ABHD6: variants seen among roughly 807,000 people sequenced by gnomAD.
ABHD6 encodes the protein monoacylglycerol lipase ABHD6.
In ABHD6, 33 loss-of-function variants were observed where a neutral mutation model predicts 38.8. The observed-to-expected ratio is 0.85, with a 90% CI of 0.64 to 1.14. The LOEUF (loss-of-function observed/expected upper bound fraction) is 1.14. Among genes scored for constraint, ABHD6 ranks in the 50% most tolerant of loss-of-function variants. The pLI, the probability that ABHD6 is intolerant of heterozygous loss-of-function variation, is 0.00. For missense variants in ABHD6, 380 were observed against 422.6 expected, an observed-to-expected ratio of 0.90 and a Z score of 0.88; for synonymous variants, 147 against 161.6, an observed-to-expected ratio of 0.91 and a Z score of 0.69.
chr3:58,268,661 G>A (rs1002177457), intron 4 of ABHD6, among the ~76,000 whole-genome samples: 2 of 152,178 alleles, frequency 1.3e-5, no homozygotes, highest in Admixed American at 1.3e-4. Flanking sequence ...TATGAGGACA[G>A]TCATTTTCAT....
At chr3:58,254,458 G>A (rs767293609) in intron 2 of ABHD6, among the ~76,000 whole-genome samples, 2 of 152,192 alleles carry the variant, frequency 1.3e-5, no homozygotes, top group Admixed American at 6.5e-5. Context: ...AATCGTCACC[G>A]TCTGGCACTT....
intron 2 of ABHD6, among the ~76,000 whole-genome samples, chr3:58,255,041 A>G (rs1361078180): frequency 6.6e-6 from 1 of 152,112 alleles, no homozygotes; most frequent in Non-Finnish European, 1.5e-5. Flanking sequence ...ATTCTATGCT[A>G]GAATGAACTG....
At chr3:58,255,272 T>C (rs866453246) in intron 2 of ABHD6, among the ~76,000 whole-genome samples, 2 of 152,232 alleles carry the variant, frequency 1.3e-5, no homozygotes, top group East Asian at 1.9e-4. Context: ...CTTTGTATTA[T>C]GTATTTATTT....
chr3:58,291,649 G>A (rs918649003), intron 9 of ABHD6, among the ~76,000 whole-genome samples: 4 of 152,184 alleles, frequency 2.6e-5, no homozygotes, highest in Admixed American at 6.5e-5. Context: ...TCAGGGGGTC[G>A]TTCAGTAGTT....
At position 58,257,755 on chromosome 3, in the gene ABHD6, T is replaced by A. The variant is rs1332706434; in HGVS notation, c.119+1050T>A. ...AAAGACCAGAACCATTGAGATGGCA[T>A]GTTTAGGACAGAATGCTTTTAGAGT... is the stretch of plus-strand genomic sequence containing the variant. On this transcript the variant is annotated intron_variant, in intron 3 of 9. Coordinates refer to ENST00000478253, the MANE Select transcript of ABHD6 (RefSeq NM_001320126.2). This position sits in a 1 kb window ranked among gnomAD's most constrained non-coding sequence, Gnocchi z 4.8. Among the ~76,000 whole-genome samples the A allele has an allele frequency of 1.3e-5, 2 of 152,206 alleles. No individual in the cohort carries two copies. The highest frequency in any genetic ancestry group is 1.3e-4 in the Admixed American group (2 of 15,282).
chr3:58,290,867 CG>C (rs1240759354), intron 9 of ABHD6, among the ~76,000 whole-genome samples: 3 of 146,984 alleles, frequency 2.0e-5, no homozygotes, highest in Admixed American at 6.7e-5. Context: ...GGATGGCGGC[CG>C]GGCAGAGACG....
Position 58,274,727 on chromosome 3 carries a change from A to G in ABHD6, c.593A>G (p.Glu198Gly). The change falls in exon 7 of 10, where the codon GAG becomes GGG. Residue 198 changes from glutamate to glycine, a missense_variant. Physicochemically the swap from Glu to Gly is moderately conservative, Grantham distance 98. Transcript: ENST00000478253. ...GAACTGCAGGGCTCTGCCGCCGTGG[A>G]GAAGATTCCCTTGATCCCGTCTACC... Reference protein sequence around the residue: ...LKELQGSAAVEKIPLIPSTPE... With the variant: ...LKELQGSAAVGKIPLIPSTPE... 1 of 1,614,240 alleles carries G rather than the reference A, an allele frequency of 6.2e-7. No individual in the cohort carries two copies. The highest frequency in any genetic ancestry group is 8.5e-7 in the Non-Finnish European group (1 of 1,180,046).
rs996809500 is a variant in ABHD6, at chr3:58,263,518, AT to A, written c.120-3670del. 3.3e-5 allele frequency among the ~76,000 whole-genome samples: 5 copies of A among 152,248 alleles called. No homozygotes were observed. The highest frequency in any genetic ancestry group is 1.2e-4 in the African/African-American group (5 of 41,462). On this transcript the variant is annotated intron_variant, in intron 3 of 9. Transcript: ENST00000478253. This position sits in a 1 kb window ranked among gnomAD's most constrained non-coding sequence, Gnocchi z 4.9. ...TAGTACCAAAGAGCTCTGTCTGATAATGAAGAAGCCCTTAATTCCTGAATCC... is the reference window on the plus strand; with the variant it reads ...TAGTACCAAAGAGCTCTGTCTGATAAGAAGAAGCCCTTAATTCCTGAATCC...
Position 58,240,856 on chromosome 3 carries a change from G to A in ABHD6, c.-91+2940G>A, listed in dbSNP as rs374114630. ...AGCAATTCTCCTGCCTCAGCCTCCA[G>A]AGTAGCTGGGATTACAGGCATGCAC... On this transcript the variant is annotated intron_variant, in intron 1 of 9. Coordinates refer to ENST00000478253, the MANE Select transcript of ABHD6 (RefSeq NM_001320126.2). Among the ~76,000 whole-genome samples the A allele has an allele frequency of 2.8e-4, 43 of 151,672 alleles. No individual in the cohort carries two copies. The South Asian group carries it at 7.7e-3, about 27-fold the overall frequency.
chr3:58,267,415 A>G lies in ABHD6; in HGVS notation c.276+70A>G. 1 of 1,582,024 alleles carries G rather than the reference A, an allele frequency of 6.3e-7. No homozygotes were observed. The highest frequency in any genetic ancestry group is 8.6e-7 in the Non-Finnish European group (1 of 1,159,090). On this transcript the variant is annotated intron_variant, in intron 4 of 9. Coordinates refer to ENST00000478253, the MANE Select transcript of ABHD6 (RefSeq NM_001320126.2). This position sits in a 1 kb window ranked among gnomAD's most constrained non-coding sequence, Gnocchi z 4.3. ...TGCTGTGGCTCATGCCTATAATCCC[A>G]GCACTTTGGGAGCCTGAGGCAGGAG...
intron 9 of ABHD6, among the ~76,000 whole-genome samples, chr3:58,292,732 C>T (rs565486608): frequency 3.0e-4 from 46 of 151,956 alleles, no homozygotes; most frequent in Non-Finnish European, 4.7e-4. Context: ...GCCTGGCCAA[C>T]GTGGTGAAAC....
chr3:58,267,700 AG>A lies in ABHD6; in HGVS notation c.276+358del, dbSNP rs2097442142. Among the ~76,000 whole-genome samples the A allele has an allele frequency of 6.6e-6, 1 of 152,028 alleles. No individual in the cohort carries two copies. The highest frequency in any genetic ancestry group is 2.1e-4 in the South Asian group (1 of 4,820). On this transcript the variant is annotated intron_variant, in intron 4 of 9. Transcript: ENST00000478253. This position sits in a 1 kb window ranked among gnomAD's most constrained non-coding sequence, Gnocchi z 4.3. ...AAATAAAAAAAGGAAGAAGAAGAAA[AG>A]GGTTTCCACTAGGACATGATGTCAT...
At position 58,237,839 on chromosome 3, in the gene ABHD6, A is replaced by T. The variant is rs1452434448; in HGVS notation, c.-168A>T. ...GCGGCGCGGGTAGGAGCCCGGCGGC[A>T]GGTCCCAGCCCGGGGCTAGAGACCG... On this transcript the variant is annotated 5_prime_UTR_variant, in exon 1 of 10. Transcript: ENST00000478253. 6.6e-6 allele frequency: 1 copy of T among 151,382 alleles called. No individual in the cohort carries two copies. Among genetic ancestry groups the T allele is most frequent in the Non-Finnish European group, 1.5e-5 (1 of 67,842 alleles). The allele number at this position is 151,382 out of a possible 1,614,324, so 9.4% of individuals were successfully genotyped here. A position where few individuals can be genotyped will look rare whatever the true frequency, so the allele number is the denominator to read the frequency against.
intron 1 of ABHD6, among the ~76,000 whole-genome samples, chr3:58,240,347 A>G (rs2097421951): frequency 6.6e-6 from 1 of 151,782 alleles, no homozygotes; most frequent in Admixed American, 6.6e-5. Context: ...CCAAGTAGCT[A>G]GAACTACAGG....
Position 58,281,475 on chromosome 3 carries a change from G to C in ABHD6, c.682-3610G>C, listed in dbSNP as rs987121968. 2.0e-5 allele frequency among the ~76,000 whole-genome samples: 3 copies of C among 152,198 alleles called. No homozygotes were observed. The South Asian group carries it at 6.2e-4, about 31-fold the overall frequency. On this transcript the variant is annotated intron_variant, in intron 7 of 9. Transcript: ENST00000478253. ...AAAAGTGCAGTATTTGGGCAGGAGT[G>C]TCCCAGTTTTCCAGGTACAGTCTGT... is the stretch of plus-strand genomic sequence containing the variant.
chr3:58,269,102 G>A lies in ABHD6; in HGVS notation c.277-219G>A, dbSNP rs1185981924. On this transcript the variant is annotated intron_variant, in intron 4 of 9. Coordinates refer to ENST00000478253, the MANE Select transcript of ABHD6 (RefSeq NM_001320126.2). The surrounding 1 kb of genome is among the most constrained non-coding windows in gnomAD (Gnocchi z 4.4). ...TCCCCTTTTTACAGGCATCTCCTGA[G>A]CCTGCTTCCATCTATGTATTAGCCT... 6.6e-6 allele frequency among the ~76,000 whole-genome samples: 1 copy of A among 152,186 alleles called. No individual in the cohort carries two copies. The highest frequency in any genetic ancestry group is 1.5e-5 in the Non-Finnish European group (1 of 68,028).
rs2097441408 is a variant in ABHD6, at chr3:58,266,938, T to C, written c.120-251T>C. On this transcript the variant is annotated intron_variant, in intron 3 of 9. Coordinates refer to ENST00000478253, the MANE Select transcript of ABHD6 (RefSeq NM_001320126.2). The surrounding 1 kb of genome is among the most constrained non-coding windows in gnomAD (Gnocchi z 4.0). ...GCATACTTCTTAAGAAAACACCGCA[T>C]TTCCCTTCCTAGAGTGATTAGTAAA... 1.3e-5 allele frequency among the ~76,000 whole-genome samples: 2 copies of C among 152,222 alleles called. No individual in the cohort carries two copies. Among genetic ancestry groups the C allele is most frequent in the Non-Finnish European group, 2.9e-5 (2 of 68,034 alleles).
At chr3:58,249,326 T>A (rs2097428468) in intron 1 of ABHD6, among the ~76,000 whole-genome samples, 1 of 152,254 alleles carries the variant, frequency 6.6e-6, no homozygotes, top group African/African-American at 2.4e-5. Flanking sequence ...TTGATTCATC[T>A]GAAACAATTC....
chr3:58,291,160 C>G (rs1019257944), intron 9 of ABHD6, among the ~76,000 whole-genome samples: 3 of 150,082 alleles, frequency 2.0e-5, no homozygotes, highest in African/African-American at 7.4e-5. Flanking sequence ...GCGGATCACT[C>G]GCGGTTAGGA....
Sources: allele counts gnomAD v4.1 joint callset (sites outside exome capture counted in the v4.1 genomes callset), GRCh38; gene constraint gnomAD v4.1.1; non-coding constraint Gnocchi (gnomAD v3.1); transcripts MANE v1.5; gene names NCBI Gene and HGNC (gene_info 2026-07-23, HGNC 2026-07-21).